Variants in SPTB observed in about 807,000 individuals in gnomAD.
The protein encoded by SPTB is spectrin beta, erythrocytic.
SPTB carries 45 observed loss-of-function variants against 256.2 expected under a neutral mutation model. That is an observed-to-expected ratio of 0.18 (90% CI 0.14 to 0.23). The LOEUF (loss-of-function observed/expected upper bound fraction) is 0.23, where lower values mean the gene tolerates loss of function less well. Ranked by LOEUF, SPTB falls within the 10% of genes least tolerant of loss-of-function variation. The pLI, the probability that SPTB is intolerant of heterozygous loss-of-function variation, is 1.00. For synonymous variants in SPTB, 1,231 were observed against 1,243.1 expected (o/e 0.99, Z 0.21); for missense variants, 2,715 against 3,040.4 (o/e 0.89, Z 2.52).
At chr14:64,753,450 A>G in intron 33 of SPTB, 87 bp downstream of exon 33, 1 of 1,600,900 alleles carries the variant, frequency 6.2e-7, no homozygotes, top group Middle Eastern at 2.2e-4. Flanking sequence ...CCCCCAGCAC[A>G]TGCCCATGTC....
intron 1 of SPTB, among the ~76,000 whole-genome samples, chr14:64,877,306 T>C (rs940145973): frequency 6.6e-6 from 1 of 152,164 alleles, no homozygotes; most frequent in Admixed American, 6.5e-5. Flanking sequence ...TCCTCTGATA[T>C]AAGCAGAACT....
Position 64,793,052 on chromosome 14 carries a change from G to A in SPTB, c.2611C>T (p.Leu871=). 6.2e-7 allele frequency: 1 copy of A among 1,614,050 alleles called. No individual in the cohort carries two copies. The highest frequency in any genetic ancestry group is 8.5e-7 in the Non-Finnish European group (1 of 1,180,042). The change falls in exon 14 of 36, where the codon CTG becomes TTG. Residue 871 remains leucine, a synonymous_variant. Coordinates refer to ENST00000644917, the MANE Select transcript of SPTB (RefSeq NM_001355436.2). This position sits in a 1 kb window ranked among gnomAD's most constrained non-coding sequence, Gnocchi z 7.0. The part of the protein sequence containing the change: ...ELWMGEKEKW[L]AEMEMPDTLE... ...GTGTCTGGCATTTCCATCTCGGCCAGCCACTTCTCCTTCTCTCCCATCCAC... is the reference window on the plus strand; with the variant it reads ...GTGTCTGGCATTTCCATCTCGGCCAACCACTTCTCCTTCTCTCCCATCCAC...
In SPTB at chr14:64,791,749, A is replaced by T. The variant is rs1475506896; in HGVS notation, c.2774T>A (p.Val925Glu). 1.2e-6 allele frequency: 2 copies of T among 1,613,564 alleles called. No individual in the cohort carries two copies. Among genetic ancestry groups the T allele is most frequent in the South Asian group, 2.2e-5 (2 of 91,052 alleles). ...VESGHPRSRE[V>E]KQYQDHLNTR... ...GTTCAGATGGTCCTGGTACTGCTTC[A>T]CCTCCCTGCTGCGTGGGTGGCCACT... The change falls in exon 15 of 36, where the codon GTG (valine) becomes GAG (glutamate). Residue 925 changes from valine (V) to glutamate (E), a missense_variant. Val to Glu is a moderately radical substitution (Grantham distance 121). Transcript: ENST00000644917.
rs1329824470 is a variant in SPTB at position 64,824,175 on chromosome 14, T to C, written c.-51-1030A>G. ...CTACAAGAAGGTGTGATGTGTGTCATGGCTGGCTTAGGTGGGGACTCGGCG... is the reference window on the plus strand; with the variant it reads ...CTACAAGAAGGTGTGATGTGTGTCACGGCTGGCTTAGGTGGGGACTCGGCG... On this transcript the variant is annotated intron_variant, in intron 1 of 35. Transcript: ENST00000644917. The surrounding 1 kb of genome is among the most constrained non-coding windows in gnomAD (Gnocchi z 5.7). Among the ~76,000 whole-genome samples, 2 of 152,130 alleles carry C rather than the reference T, an allele frequency of 1.3e-5. No individual in the cohort carries two copies. Among genetic ancestry groups the C allele is most frequent in the East Asian group, 3.9e-4 (2 of 5,194 alleles).
At chr14:64,752,084 ACT>A (rs577094438) in intron 33 of SPTB, 39 of 966,728 alleles carry the variant, frequency 4.0e-5, no homozygotes, top group South Asian at 3.8e-4. Flanking sequence ...ACAGAGTGAG[ACT>A]CTGTCTAAAC....
chr14:64,874,645 G>A (rs1271482987), intron 1 of SPTB, among the ~76,000 whole-genome samples: 2 of 152,172 alleles, frequency 1.3e-5, no homozygotes, highest in Admixed American at 6.5e-5. Context: ...GACAGAATAA[G>A]GTTACAGACT....
At chr14:64,874,986 T>C (rs1049739838) in intron 1 of SPTB, among the ~76,000 whole-genome samples, 3 of 152,176 alleles carry the variant, frequency 2.0e-5, no homozygotes, top group Admixed American at 6.5e-5. Context: ...TTTATAACAT[T>C]CAAATGAAAG....
chr14:64,803,949 C>A (rs542699975), intron 3 of SPTB, among the ~76,000 whole-genome samples, 169 bp from the exon 4 acceptor site: 1 of 152,350 alleles, frequency 6.6e-6, no homozygotes, highest in Admixed American at 6.5e-5. Flanking sequence ...TTTAGCAAAG[C>A]TCAGAGGTTC....
At chr14:64,762,545 T>C (rs1274680647) in intron 32 of SPTB, among the ~76,000 whole-genome samples, 1 of 152,324 alleles carries the variant, frequency 6.6e-6, no homozygotes, top group South Asian at 2.1e-4. Context: ...CGTTCGTAAG[T>C]GCTGGTTACT....
chr14:64,816,566 A>T lies in SPTB; in HGVS notation c.148+6381T>A, dbSNP rs949420572. Among the ~76,000 whole-genome samples the T allele has an allele frequency of 6.6e-6, 1 of 152,142 alleles. No homozygotes were observed. The highest frequency in any genetic ancestry group is 2.4e-5 in the African/African-American group (1 of 41,428). On this transcript the variant is annotated intron_variant, in intron 2 of 35. Coordinates refer to ENST00000644917, the MANE Select transcript of SPTB (RefSeq NM_001355436.2). The surrounding 1 kb of genome is among the most constrained non-coding windows in gnomAD (Gnocchi z 4.2). Reference sequence around the variant, plus strand: ...GCAAATTTGTCATAATTTGCTATGCACGTGTGTCTATGCACATAGACACGT... The same window carrying T: ...GCAAATTTGTCATAATTTGCTATGCTCGTGTGTCTATGCACATAGACACGT...
intron 1 of SPTB, among the ~76,000 whole-genome samples, chr14:64,834,991 TA>T (rs2083501759): frequency 6.6e-6 from 1 of 152,212 alleles, no homozygotes; most frequent in Non-Finnish European, 1.5e-5. Flanking sequence ...AAATAATATA[TA>T]AGTTATGGGT....
At position 64,786,948 on chromosome 14, in the gene SPTB, G is replaced by A; in HGVS notation, c.3017C>T (p.Ala1006Val). 6.2e-7 allele frequency: 1 copy of A among 1,613,808 alleles called. No individual in the cohort carries two copies. Among genetic ancestry groups the A allele is most frequent in the Non-Finnish European group, 8.5e-7 (1 of 1,180,034 alleles). ...CAGGGCATCCACACGGGCCTGGATGGCGGCCACGTCACGCTCCAGCCCTGA... is the reference window on the plus strand; with the variant it reads ...CAGGGCATCCACACGGGCCTGGATGACGGCCACGTCACGCTCCAGCCCTGA... ...KLSGLERDVA[A>V]IQARVDALER... is the part of the protein sequence containing the mutation. The change falls in exon 16 of 36, where the codon GCC becomes GTC. Residue 1006 changes from alanine to valine, a missense_variant. Transcript: ENST00000644917. This position sits in a 1 kb window ranked among gnomAD's most constrained non-coding sequence, Gnocchi z 5.6.
chr14:64,838,977 A>C (rs2139746502), intron 1 of SPTB, among the ~76,000 whole-genome samples: 1 of 152,228 alleles, frequency 6.6e-6, no homozygotes, highest in South Asian at 2.1e-4. Flanking sequence ...TACCAAAAAT[A>C]CAAAAATTAG....
intron 32 of SPTB, among the ~76,000 whole-genome samples, chr14:64,763,225 CT>C (rs1438054486): frequency 2.0e-5 from 3 of 152,240 alleles, no homozygotes; most frequent in Non-Finnish European, 4.4e-5. Context: ...CCCCCAAGTG[CT>C]TCCCAGGGCC....
chr14:64,839,691 G>C (rs1011916010), intron 1 of SPTB, among the ~76,000 whole-genome samples: 1 of 152,166 alleles, frequency 6.6e-6, no homozygotes, highest in East Asian at 1.9e-4. Flanking sequence ...GCTCTGATGA[G>C]AAAAATGTAG....
intron 1 of SPTB, among the ~76,000 whole-genome samples, chr14:64,837,248 A>G (rs561400757): frequency 5.3e-5 from 8 of 152,250 alleles, no homozygotes; most frequent in Admixed American, 5.2e-4. Context: ...GATTTGATAA[A>G]TTTTCCAACC....
intron 2 of SPTB, among the ~76,000 whole-genome samples, chr14:64,813,590 T>C (rs1358504659): frequency 6.6e-6 from 1 of 152,180 alleles, no homozygotes; most frequent in Non-Finnish European, 1.5e-5. Context: ...GGTGCGATCT[T>C]GGCTCACTGC....
intron 29 of SPTB, among the ~76,000 whole-genome samples, chr14:64,768,551 C>T (rs1418623285): frequency 6.6e-6 from 1 of 152,064 alleles, no homozygotes; most frequent in Non-Finnish European, 1.5e-5. Context: ...TTTTCCCCAC[C>T]TCTCATCAGC....
chr14:64,819,316 T>C (rs899334922), intron 2 of SPTB, among the ~76,000 whole-genome samples: 2 of 152,080 alleles, frequency 1.3e-5, no homozygotes, highest in African/African-American at 2.4e-5. Context: ...AGTATTTCCT[T>C]TGGAGTTGAG....
Sources: allele counts gnomAD v4.1 joint callset (sites outside exome capture counted in the v4.1 genomes callset), GRCh38; gene constraint gnomAD v4.1.1; non-coding constraint Gnocchi (gnomAD v3.1); transcripts MANE v1.5; gene names NCBI Gene and HGNC (gene_info 2026-07-23, HGNC 2026-07-21).